ABI3BP: variants seen among roughly 807,000 people sequenced by gnomAD.
ABI3BP encodes ABI family member 3 binding protein.
ABI3BP carries 216 observed loss-of-function variants against 268.6 expected under a neutral mutation model. The observed-to-expected ratio is 0.80, with a 90% CI of 0.72 to 0.90. The LOEUF (loss-of-function observed/expected upper bound fraction) is 0.90, where lower values mean the gene tolerates loss of function less well. Ranked by LOEUF, ABI3BP falls within the 40% of genes least tolerant of loss-of-function variation. ABI3BP has a pLI of 0.00. For missense variants in ABI3BP, 2,090 were observed against 2,182.4 expected (o/e 0.96, Z 0.84); for synonymous variants, 730 against 730.0 (o/e 1.00, Z 0.00).
intron 1 of ABI3BP, among the ~76,000 whole-genome samples, chr3:100,982,031 G>A (rs1294382909): frequency 1.3e-5 from 2 of 152,188 alleles, no homozygotes; most frequent in Non-Finnish European, 2.9e-5. Flanking sequence ...GAGGCCTCAG[G>A]AAACTTAGAA....
intron 1 of ABI3BP, among the ~76,000 whole-genome samples, chr3:100,947,982 T>C (rs1244855145): frequency 1.3e-5 from 2 of 152,042 alleles, no homozygotes; most frequent in African/African-American, 4.8e-5. Flanking sequence ...GTGTGCATAT[T>C]GGGTGAAGAG....
At chr3:100,802,308 C>A (rs538405915) in intron 51 of ABI3BP, among the ~76,000 whole-genome samples, 1 of 152,284 alleles carries the variant, frequency 6.6e-6, no homozygotes, top group South Asian at 2.1e-4. Context: ...TGACTGAAAC[C>A]TATCCCAATG....
At chr3:100,857,755 T>C (rs2055547) in intron 14 of ABI3BP, among the ~76,000 whole-genome samples, 54,184 of 152,140 alleles carry the variant, frequency 0.36, 10,280 homozygotes, top group African/African-American at 0.48. Context: ...CTAACCCATT[T>C]GGAGTTAAGT....
At chr3:100,758,273 A>C (rs989248141) in intron 63 of ABI3BP, among the ~76,000 whole-genome samples, 2 of 152,214 alleles carry the variant, frequency 1.3e-5, no homozygotes, top group African/African-American at 4.8e-5. Flanking sequence ...CATAAAAATG[A>C]GGATAATGCT....
At chr3:100,881,023 T>C (rs980936337) in intron 6 of ABI3BP, among the ~76,000 whole-genome samples, 6 of 152,124 alleles carry the variant, frequency 3.9e-5, no homozygotes, top group African/African-American at 1.4e-4. Flanking sequence ...TAGATTCTGG[T>C]TTTAATTCAC....
chr3:100,967,803 T>C (rs2081952388), intron 1 of ABI3BP, among the ~76,000 whole-genome samples: 1 of 152,186 alleles, frequency 6.6e-6, no homozygotes, highest in Non-Finnish European at 1.5e-5. Flanking sequence ...ACAATTTTAA[T>C]CTGCAAATAG....
chr3:100,832,985 A>G, intron 30 of ABI3BP, 140 bp downstream of exon 30: 1 of 724,698 alleles, frequency 1.4e-6, no homozygotes, highest in South Asian at 2.5e-5. Flanking sequence ...ATTTCTTTAA[A>G]AAGCAAGCTT....
chr3:100,762,252 A>G (rs954868151), intron 63 of ABI3BP, among the ~76,000 whole-genome samples: 1 of 152,180 alleles, frequency 6.6e-6, no homozygotes, highest in African/African-American at 2.4e-5. Flanking sequence ...TTAACAACTT[A>G]AGGTAGTATG....
At chr3:100,959,314 C>A (rs2078013319) in intron 1 of ABI3BP, among the ~76,000 whole-genome samples, 1 of 151,240 alleles carries the variant, frequency 6.6e-6, no homozygotes, top group South Asian at 2.1e-4. Context: ...CACGGTGAAA[C>A]CCCGTCTCTA....
At chr3:100,769,378 A>G (rs773127635) in intron 62 of ABI3BP, among the ~76,000 whole-genome samples, 2 of 152,234 alleles carry the variant, frequency 1.3e-5, no homozygotes, top group East Asian at 1.9e-4. Context: ...CAGTTTGGTT[A>G]GATGGATAAA....
intron 1 of ABI3BP, among the ~76,000 whole-genome samples, chr3:100,960,228 A>T (rs1584973917): frequency 6.6e-6 from 1 of 152,354 alleles, no homozygotes; most frequent in East Asian, 1.9e-4. Context: ...TAAAGAACAA[A>T]GAATGAAGAC....
At chr3:100,894,965 A>AAACAAAAAAAAAAAAAAAAAC (rs1561385746) in intron 4 of ABI3BP, among the ~76,000 whole-genome samples, 1 of 120,768 alleles carries the variant, frequency 8.3e-6, no homozygotes, top group Admixed American at 8.8e-5. Context: ...AAAAAAAAAA[A>AAACAAAAAAAAAAAAAAAAAC]AACAGAAAAA....
At chr3:100,765,106 G>GAA (rs33912702) in intron 63 of ABI3BP, among the ~76,000 whole-genome samples, 40,607 of 143,408 alleles carry the variant, frequency 0.28, 6,189 homozygotes, top group East Asian at 0.62. Flanking sequence ...TGAACATTAT[G>GAA]AAAAAAAAAA....
intron 1 of ABI3BP, among the ~76,000 whole-genome samples, chr3:100,940,488 A>G (rs1467253630): frequency 6.6e-6 from 1 of 151,762 alleles, no homozygotes; most frequent in Non-Finnish European, 1.5e-5. Context: ...ATTTGTGACT[A>G]TATACATTAG....
At chr3:100,831,467 G>A (rs2098492442) in intron 31 of ABI3BP, among the ~76,000 whole-genome samples, 1 of 152,122 alleles carries the variant, frequency 6.6e-6, no homozygotes, top group Admixed American at 6.6e-5. Flanking sequence ...AACATAAGTA[G>A]CTGAAGAACC....
At chr3:100,936,053 C>T (rs192174525) in intron 1 of ABI3BP, among the ~76,000 whole-genome samples, 4 of 152,230 alleles carry the variant, frequency 2.6e-5, no homozygotes, top group East Asian at 3.9e-4. Context: ...TTGTCTTGTG[C>T]CAGTTTTCAA....
Position 100,750,142 on chromosome 3 carries a change from T to A in ABI3BP, c.*353A>T, listed in dbSNP as rs189604649. The A allele has an allele frequency of 0.018, 3,891 of 213,222 alleles. 86 individuals carry two copies. The highest frequency in any genetic ancestry group is 0.064 in the African/African-American group (2,796 of 43,538). 13.2% of individuals were successfully genotyped at this position (213,222 alleles called of 1,614,324 possible). A position where few individuals can be genotyped will look rare whatever the true frequency, so the allele number is the denominator to read the frequency against. On this transcript the variant is annotated 3_prime_UTR_variant, in exon 68 of 68. Coordinates refer to ENST00000471714, the MANE Select transcript of ABI3BP (RefSeq NM_001375547.2). ...CACATCAATAAAAGTAAATTTTTTT[T>A]AAAAAGTATATACCTTTTTGATGTT... is the stretch of plus-strand genomic sequence containing the variant.
intron 6 of ABI3BP, among the ~76,000 whole-genome samples, chr3:100,880,426 A>T (rs965310284): frequency 2.0e-5 from 3 of 152,182 alleles, no homozygotes; most frequent in Non-Finnish European, 2.9e-5. Flanking sequence ...GCAGGAAGTA[A>T]GCATATTTCT....
intron 4 of ABI3BP, among the ~76,000 whole-genome samples, chr3:100,894,449 G>A (rs12330346): frequency 0.08 from 12,142 of 152,114 alleles, 569 homozygotes; most frequent in Middle Eastern, 0.15. Flanking sequence ...AGGAAGTAAC[G>A]GTGGGCAAGA....
Sources: allele counts gnomAD v4.1 joint callset (sites outside exome capture counted in the v4.1 genomes callset), GRCh38; gene constraint gnomAD v4.1.1; transcripts MANE v1.5; gene names NCBI Gene and HGNC (gene_info 2026-07-23, HGNC 2026-07-21).